Variants in CCND3 observed in about 807,000 individuals in gnomAD.
The protein encoded by CCND3 is cyclin D3.
CCND3 carries 9 observed loss-of-function variants against 28.7 expected under a neutral mutation model. The ratio of observed to expected loss-of-function variants is 0.31; its 90% CI spans 0.19 to 0.55. The LOEUF (loss-of-function observed/expected upper bound fraction) is 0.55, where lower values mean the gene tolerates loss of function less well. Among genes scored for constraint, CCND3 ranks in the 20% least tolerant of loss-of-function variants. The pLI is 0.93. For missense variants in CCND3, 315 were observed against 385.8 expected, an observed-to-expected ratio of 0.82 and a Z score of 1.54; for synonymous variants, 164 against 163.9, an observed-to-expected ratio of 1.00 and a Z score of 0.00.
At chr6:41,959,683 T>A (rs1761653260) in intron 1 of CCND3, among the ~76,000 whole-genome samples, 1 of 138,512 alleles carries the variant, frequency 7.2e-6, no homozygotes, top group Admixed American at 7.1e-5. Context: ...CAAGACTAAA[T>A]CAGGCCAGGC....
chr6:42,003,512 T>G (rs1392328236), intron 1 of CCND3, among the ~76,000 whole-genome samples: 3 of 94,288 alleles, frequency 3.2e-5, no homozygotes, highest in Non-Finnish European at 5.6e-5. Flanking sequence ...GCAACCAGAG[T>G]GAGACTCTGT....
At chr6:42,018,430 A>G (rs1160462810) in intron 1 of CCND3, 1 of 151,978 alleles carries the variant, frequency 6.6e-6, no homozygotes, top group Non-Finnish European at 1.5e-5. Context: ...CGCTTCACGA[A>G]TTTGCATGTC....
intron 1 of CCND3, among the ~76,000 whole-genome samples, chr6:41,980,410 A>G (rs1356838868): frequency 1.3e-5 from 2 of 152,186 alleles, no homozygotes; most frequent in African/African-American, 2.4e-5. Flanking sequence ...TGCTGGGATT[A>G]CAGGAGTAAG....
At chr6:42,018,287 G>A (rs1288978718) in intron 1 of CCND3, 1 of 151,772 alleles carries the variant, frequency 6.6e-6, no homozygotes, top group African/African-American at 2.4e-5. Context: ...CCGCCTCCCG[G>A]GTTCACACCA....
rs767526428 is a variant in CCND3, at chr6:41,979,533, CAAA to C, written c.-45-38951_-45-38949del. On this transcript the variant is annotated intron_variant, in intron 1 of 4. Transcript: ENST00000372988. The stretch of plus-strand genomic sequence containing the variant: ...TGGGTGACAGAGTGAGACTCCACTT[CAAA>C]AAAAAAAAAAAAAGAAAAATATATA... Among the ~76,000 whole-genome samples the C allele has an allele frequency of 1.7e-3, 168 of 96,996 alleles. 2 individuals carry two copies. The highest frequency in any genetic ancestry group is 6.2e-3 in the African/African-American group (161 of 25,858). The allele number at this position is 96,996 out of a possible 152,430, so 63.6% of individuals were successfully genotyped here. A position where few individuals can be genotyped will look rare whatever the true frequency, so the allele number is the denominator to read the frequency against.
intron 1 of CCND3, among the ~76,000 whole-genome samples, chr6:42,015,038 T>C (rs1202210573): frequency 1.3e-5 from 2 of 152,206 alleles, no homozygotes; most frequent in Non-Finnish European, 2.9e-5. Context: ...CAAATATACA[T>C]GTACATGCAC....
In CCND3 at chr6:41,941,026, C is replaced by T; in HGVS notation, c.198+426G>A. Reference sequence around the variant, plus strand: ...TCCCTGTCGGCCGGAACAGGGCGCGCGCCACCCCCATCGCCTTCCCCGCCA... The same window carrying T: ...TCCCTGTCGGCCGGAACAGGGCGCGTGCCACCCCCATCGCCTTCCCCGCCA... On this transcript the variant is annotated intron_variant, in intron 1 of 4. Transcript: ENST00000372991. The surrounding 1 kb of genome is among the most constrained non-coding windows in gnomAD (Gnocchi z 6.1). 3 of 1,608,392 alleles carry T rather than the reference C, an allele frequency of 1.9e-6. No homozygotes were observed. Among genetic ancestry groups the T allele is most frequent in the Non-Finnish European group, 1.7e-6 (2 of 1,177,106 alleles).
In CCND3 at chr6:41,941,333, G is replaced by A. The variant is rs1776007608; in HGVS notation, c.198+119C>T. ...TGCCCTAGTGAAAGGCCAGGCCCCG[G>A]GAGTCTTAGCCTCGGAGCATCCTGC... On this transcript the variant is annotated intron_variant, in intron 1 of 4. Transcript: ENST00000372991. The surrounding 1 kb of genome is among the most constrained non-coding windows in gnomAD (Gnocchi z 6.1). The A allele has an allele frequency of 2.0e-6, 3 of 1,502,758 alleles. No individual in the cohort carries two copies. The highest frequency in any genetic ancestry group is 2.8e-5 in the African/African-American group (2 of 71,300). 93.1% of individuals were successfully genotyped at this position (1,502,758 alleles called of 1,614,324 possible). A position where few individuals can be genotyped will look rare whatever the true frequency, so the allele number is the denominator to read the frequency against.
In CCND3 at chr6:41,941,263, G is replaced by T; in HGVS notation, c.198+189C>A. 7.0e-7 allele frequency: 1 copy of T among 1,436,632 alleles called. No individual in the cohort carries two copies. 89.0% of individuals were successfully genotyped at this position (1,436,632 alleles called of 1,614,324 possible). On this transcript the variant is annotated intron_variant, in intron 1 of 4. Transcript: ENST00000372991. The surrounding 1 kb of genome is among the most constrained non-coding windows in gnomAD (Gnocchi z 6.1). ...AGTGACTGGCAGTCACTGTCGGGAG[G>T]AGCCGATTAGGGCTCGGGAAAGCAA...
chr6:42,041,180 CAG>C (rs1235906624), intron 1 of CCND3, among the ~76,000 whole-genome samples: 3 of 152,166 alleles, frequency 2.0e-5, no homozygotes, highest in African/African-American at 4.8e-5. Flanking sequence ...AGAGAAGAAA[CAG>C]GGGGGAGGAA....
chr6:42,044,901 A>G (rs1307724537), intron 1 of CCND3, among the ~76,000 whole-genome samples: 2 of 140,836 alleles, frequency 1.4e-5, no homozygotes, highest in Non-Finnish European at 3.1e-5. Context: ...TGATTCTCCC[A>G]CCTCAGCCTC....
chr6:41,938,986 G>C lies in CCND3; in HGVS notation c.414+1384C>G, dbSNP rs3218091. Among the ~76,000 whole-genome samples, 1 of 152,068 alleles carries C rather than the reference G, an allele frequency of 6.6e-6. No homozygotes were observed. Among genetic ancestry groups the C allele is most frequent in the Non-Finnish European group, 1.5e-5 (1 of 68,016 alleles). ...TGCCTGTACTGAAAAACCCTCATAC[G>C]TGGGCACACAAACCACCTCCATCTT... On this transcript the variant is annotated intron_variant, in intron 2 of 4. Coordinates refer to ENST00000372991, the MANE Select transcript of CCND3 (RefSeq NM_001760.5). The surrounding 1 kb of genome is among the most constrained non-coding windows in gnomAD (Gnocchi z 4.6).
chr6:42,019,314 C>T (rs1763627852), intron 1 of CCND3, among the ~76,000 whole-genome samples: 2 of 151,930 alleles, frequency 1.3e-5, no homozygotes, highest in Admixed American at 1.3e-4. Flanking sequence ...AAGGTGAAAC[C>T]CTGTCTCTAC....
chr6:41,972,550 T>G (rs1364135034), intron 1 of CCND3, among the ~76,000 whole-genome samples: 1 of 152,152 alleles, frequency 6.6e-6, no homozygotes, highest in African/African-American at 2.4e-5. Flanking sequence ...AGCCTCCTTT[T>G]CCTCCTTTAT....
intron 1 of CCND3, among the ~76,000 whole-genome samples, chr6:42,009,195 G>C (rs907499119): frequency 6.6e-6 from 1 of 152,192 alleles, no homozygotes; most frequent in African/African-American, 2.4e-5. Context: ...TTAAGGGGAG[G>C]CTGGGTGTGG....
intron 1 of CCND3, among the ~76,000 whole-genome samples, chr6:42,008,858 T>C (rs2127426266): frequency 6.6e-6 from 1 of 152,098 alleles, no homozygotes; most frequent in South Asian, 2.1e-4. Flanking sequence ...AGTTGAAAGG[T>C]AAACTTCAGG....
intron 1 of CCND3, among the ~76,000 whole-genome samples, chr6:42,018,976 G>T (rs1365710249): frequency 2.0e-5 from 3 of 151,462 alleles, no homozygotes; most frequent in Non-Finnish European, 4.4e-5. Flanking sequence ...AAATGTTAAG[G>T]TTTTCAACTC....
intron 1 of CCND3, among the ~76,000 whole-genome samples, chr6:42,046,004 AGGTTCAC>A (rs1764530910): frequency 6.6e-6 from 1 of 152,190 alleles, no homozygotes; most frequent in Non-Finnish European, 1.5e-5. Context: ...ATAGTTCTTA[AGGTTCAC>A]GTCCTGCTTA....
At chr6:41,976,044 A>G (rs1396761985) in intron 1 of CCND3, among the ~76,000 whole-genome samples, 2 of 152,012 alleles carry the variant, frequency 1.3e-5, no homozygotes. Context: ...GTCTCTATAA[A>G]AAAAAATTTT....
Sources: gnomAD v4.1 joint callset for allele counts (sites outside exome capture counted in the v4.1 genomes callset) on GRCh38, gnomAD v4.1.1 for gene constraint, Gnocchi (gnomAD v3.1) non-coding constraint, MANE v1.5 for transcripts, NCBI Gene and HGNC (gene_info 2026-07-23, HGNC 2026-07-21) for gene names.